The following MOXD1 variants were observed in gnomAD, a reference collection of about 807,000 sequenced individuals.
MOXD1 encodes monooxygenase DBH like 1, also known as DBH-like monooxygenase protein 1.
MOXD1 carries 62 observed loss-of-function variants against 66.6 expected under a neutral mutation model. That is an observed-to-expected ratio of 0.93 (90% CI 0.76 to 1.15). MOXD1 has a LOEUF of 1.15. Among genes scored for constraint, MOXD1 ranks in the 50% most tolerant of loss-of-function variants. The pLI is 0.00. For synonymous variants in MOXD1, 303 were observed against 281.9 expected (o/e 1.07, Z -0.75); for missense variants, 847 against 754.6 (o/e 1.12, Z -1.44).
intron 10 of MOXD1, among the ~76,000 whole-genome samples, chr6:132,312,532 T>C (rs1774852336): frequency 6.6e-6 from 1 of 152,134 alleles, no homozygotes; most frequent in African/African-American, 2.4e-5. Context: ...TATTTTTAAA[T>C]AGAGGCTCTT....
At chr6:132,309,329 C>A (rs975844381) in intron 10 of MOXD1, among the ~76,000 whole-genome samples, 1 of 152,062 alleles carries the variant, frequency 6.6e-6, no homozygotes, top group African/African-American at 2.4e-5. Flanking sequence ...TGAAGGACCT[C>A]TTTAAGGAGA....
chr6:132,372,796 C>A, intron 3 of MOXD1, 34 bp downstream of exon 3: 3 of 1,611,450 alleles, frequency 1.9e-6, no homozygotes, highest in Non-Finnish European at 2.5e-6. Context: ...TCAATAAGCC[C>A]ATCCCTACAA....
intron 4 of MOXD1, among the ~76,000 whole-genome samples, chr6:132,334,031 A>T (rs986880917): frequency 2.0e-5 from 3 of 152,226 alleles, no homozygotes; most frequent in Admixed American, 6.5e-5. Context: ...GGTGGAAATT[A>T]ACACTGACCA....
chr6:132,352,616 G>A (rs1015271545), intron 4 of MOXD1, among the ~76,000 whole-genome samples: 1 of 152,108 alleles, frequency 6.6e-6, no homozygotes, highest in Non-Finnish European at 1.5e-5. Flanking sequence ...TGCAGTTGTT[G>A]GATGAAATGT....
intron 1 of MOXD1, among the ~76,000 whole-genome samples, chr6:132,389,488 T>G (rs766350464): frequency 1.3e-5 from 2 of 151,330 alleles, no homozygotes; most frequent in Non-Finnish European, 3.0e-5. Context: ...GTTACTCAAC[T>G]TGGCCCACAT....
chr6:132,378,921 G>A (rs1318424835), intron 1 of MOXD1, among the ~76,000 whole-genome samples: 1 of 60,456 alleles, frequency 1.7e-5, no homozygotes, highest in Non-Finnish European at 3.5e-5. Flanking sequence ...TTTTGCGACA[G>A]AGTTTCACTC....
At chr6:132,353,926 AT>A (rs1265409003) in intron 4 of MOXD1, among the ~76,000 whole-genome samples, 6 of 151,904 alleles carry the variant, frequency 3.9e-5, no homozygotes, top group African/African-American at 1.5e-4. Flanking sequence ...TGAGCTCCGA[AT>A]TTCTTTCTTC....
Position 132,328,473 on chromosome 6 carries a change from A to G in MOXD1, c.785T>C (p.Met262Thr), listed in dbSNP as rs1775238116. 3.7e-6 allele frequency: 6 copies of G among 1,614,034 alleles called. No homozygotes were observed. The highest frequency in any genetic ancestry group is 2.2e-5 in the East Asian group (1 of 44,896). ...ESGHECYHPNMPDAFLTCETV... is the reference protein window; with the variant it reads ...ESGHECYHPNTPDAFLTCETV... ...TTCACAGGTGAGGAATGCATCGGGC[A>G]TGTTGGGGTGATAGCACTCGTGGCC... The change falls in exon 5 of 12, where the codon ATG becomes ACG. Residue 262 changes from methionine (M) to threonine (T), a missense_variant. Transcript: ENST00000367963.
intron 4 of MOXD1, among the ~76,000 whole-genome samples, chr6:132,344,992 A>G (rs955508310): frequency 2.6e-5 from 4 of 152,204 alleles, no homozygotes; most frequent in Non-Finnish European, 4.4e-5. Context: ...GCTATGTGAC[A>G]GGAACCAGCT....
At chr6:132,339,698 G>A (rs908716498) in intron 4 of MOXD1, among the ~76,000 whole-genome samples, 3 of 151,992 alleles carry the variant, frequency 2.0e-5, no homozygotes, top group Admixed American at 1.3e-4. Context: ...CAAGGAATCT[G>A]TAGACTTTTA....
Position 132,319,732 on chromosome 6 carries a change from GA to G in MOXD1, c.1365+896del, listed in dbSNP as rs199561006. On this transcript the variant is annotated intron_variant, in intron 9 of 11. Coordinates refer to ENST00000367963, the MANE Select transcript of MOXD1 (RefSeq NM_015529.4). ...AATACCCTTATATTCTTCCTAACTT[GA>G]AAAAAAAAACGGTATTTCATTTAAT... Among the ~76,000 whole-genome samples the G allele has an allele frequency of 4.3e-3, 617 of 142,076 alleles. 10 individuals carry two copies. The East Asian group carries it at 0.053, about 12-fold the overall frequency. The allele number at this position is 142,076 out of a possible 152,430, so 93.2% of individuals were successfully genotyped here.
Position 132,328,600 on chromosome 6 carries a change from C to T in MOXD1, c.664-6G>A, listed in dbSNP as rs750876474. Reference sequence around the variant, plus strand: ...CTCTGTATCACTGGCTCAACCTACACGAACATAAATGAGAGGGAGGACACA... The same window carrying T: ...CTCTGTATCACTGGCTCAACCTACATGAACATAAATGAGAGGGAGGACACA... On this transcript the variant is annotated splice_region_variant and splice_polypyrimidine_tract_variant and intron_variant, in intron 4 of 11. Transcript: ENST00000367963. The T allele has an allele frequency of 2.3e-5, 37 of 1,612,468 alleles. No individual in the cohort carries two copies. Among genetic ancestry groups the T allele is most frequent in the East Asian group, 1.8e-4 (8 of 44,868 alleles).
At chr6:132,384,685 A>T (rs1401630166) in intron 1 of MOXD1, among the ~76,000 whole-genome samples, 1 of 151,790 alleles carries the variant, frequency 6.6e-6, no homozygotes, top group Admixed American at 6.6e-5. Flanking sequence ...CCAGGAAGAG[A>T]TTAGCTATTG....
intron 1 of MOXD1, among the ~76,000 whole-genome samples, chr6:132,376,983 G>A (rs1364142431): frequency 6.6e-6 from 1 of 152,196 alleles, no homozygotes; most frequent in African/African-American, 2.4e-5. Flanking sequence ...CTAGTAAACC[G>A]AAAGGCAGGA....
rs1774939389 is a variant in MOXD1, at chr6:132,315,869, A to G, written c.1366-92T>C. On this transcript the variant is annotated intron_variant, in intron 9 of 11. Coordinates refer to ENST00000367963, the MANE Select transcript of MOXD1 (RefSeq NM_015529.4). Reference sequence around the variant, plus strand: ...TCATTAATGTCATACAGTTCCTTCCAATATTAAAATTTAATACATCTTAAA... The same window carrying G: ...TCATTAATGTCATACAGTTCCTTCCGATATTAAAATTTAATACATCTTAAA... 3.1e-6 allele frequency: 4 copies of G among 1,306,890 alleles called. No homozygotes were observed. The South Asian group carries it at 4.1e-5, about 14-fold the overall frequency. 81.0% of individuals were successfully genotyped at this position (1,306,890 alleles called of 1,614,324 possible).
intron 1 of MOXD1, among the ~76,000 whole-genome samples, chr6:132,389,621 A>C (rs1370770560): frequency 6.6e-6 from 1 of 151,538 alleles, no homozygotes; most frequent in African/African-American, 2.4e-5. Flanking sequence ...TCTCCAAGTG[A>C]TTCTAATGTG....
chr6:132,361,421 C>T (rs916983232), intron 4 of MOXD1, among the ~76,000 whole-genome samples: 32 of 151,772 alleles, frequency 2.1e-4, no homozygotes, highest in African/African-American at 6.8e-4. Context: ...TAGTATATTT[C>T]GATAGACATT....
At chr6:132,344,067 T>C (rs111793196) in intron 4 of MOXD1, among the ~76,000 whole-genome samples, 2,510 of 152,272 alleles carry the variant, frequency 0.016, 83 homozygotes, top group African/African-American at 0.058. Context: ...GTATAGACAA[T>C]TTCAGAAAAA....
intron 1 of MOXD1, 85 bp from the exon 2 acceptor site, chr6:132,374,862 T>C (rs781724025): frequency 2.3e-6 from 3 of 1,291,208 alleles, no homozygotes; most frequent in Admixed American, 2.1e-5. Flanking sequence ...CAAAGTCTTG[T>C]TGTCTAGAGT....
Sources: gnomAD v4.1 joint callset for allele counts (sites outside exome capture counted in the v4.1 genomes callset) on GRCh38, gnomAD v4.1.1 for gene constraint, MANE v1.5 for transcripts, NCBI Gene and HGNC (gene_info 2026-07-23, HGNC 2026-07-21) for gene names.